NLGN1: variants seen among roughly 807,000 people sequenced by gnomAD.
NLGN1 encodes the protein neuroligin 1.
Under a neutral mutation model 65.5 loss-of-function variants are expected in NLGN1, and 12 were observed. The observed-to-expected ratio is 0.18, with a 90% CI of 0.12 to 0.30. NLGN1 has a LOEUF of 0.30. NLGN1 is among the 10% of genes least tolerant of loss of function. NLGN1 has a pLI of 1.00. For missense variants in NLGN1, 750 were observed against 1,007.1 expected, an observed-to-expected ratio of 0.74 and a Z score of 3.46; for synonymous variants, 350 against 359.5, an observed-to-expected ratio of 0.97 and a Z score of 0.30.
chr3:173,486,927 A>G (rs1269009652), intron 2 of NLGN1, among the ~76,000 whole-genome samples: 1 of 150,918 alleles, frequency 6.6e-6, no homozygotes, highest in Admixed American at 6.6e-5. Context: ...TTATTTTCTG[A>G]TATATGCATT....
intron 4 of NLGN1, among the ~76,000 whole-genome samples, chr3:173,832,108 C>T (rs1722704962): frequency 7.2e-6 from 1 of 138,920 alleles, no homozygotes; most frequent in African/African-American, 2.7e-5. Context: ...AGTTGCTCGC[C>T]TCCAAGCCCA....
intron 2 of NLGN1, among the ~76,000 whole-genome samples, chr3:173,443,395 A>T (rs910104714): frequency 6.7e-6 from 1 of 150,358 alleles, no homozygotes; most frequent in African/African-American, 2.4e-5. Context: ...TTAAATTATT[A>T]ATTTTTTGAA....
chr3:173,450,545 G>C (rs1437360897), intron 2 of NLGN1, among the ~76,000 whole-genome samples: 2 of 152,092 alleles, frequency 1.3e-5, no homozygotes, highest in African/African-American at 4.8e-5. Context: ...GTGTCTTGGA[G>C]TTGCTCTTCT....
intron 4 of NLGN1, among the ~76,000 whole-genome samples, chr3:174,070,607 G>A (rs1036769849): frequency 2.0e-5 from 3 of 152,098 alleles, no homozygotes; most frequent in African/African-American, 4.8e-5. Flanking sequence ...TGGGATTACA[G>A]GTGTGAGCCA....
At chr3:173,841,446 CAG>C (rs971859515) in intron 4 of NLGN1, among the ~76,000 whole-genome samples, 7 of 152,094 alleles carry the variant, frequency 4.6e-5, no homozygotes, top group Admixed American at 2.6e-4. Context: ...TAAGGGGGAA[CAG>C]AGGATGAATT....
intron 1 of NLGN1, among the ~76,000 whole-genome samples, chr3:173,428,074 T>A (rs559912588): frequency 6.6e-6 from 1 of 152,040 alleles, no homozygotes; most frequent in East Asian, 1.9e-4. Flanking sequence ...ACCTTCTTTG[T>A]CTCTTGATAG....
intron 4 of NLGN1, among the ~76,000 whole-genome samples, chr3:174,120,890 G>T (rs933599824): frequency 3.3e-5 from 5 of 152,116 alleles, no homozygotes; most frequent in African/African-American, 1.2e-4. Flanking sequence ...CACTGCTCAC[G>T]ACTCTACTGG....
intron 4 of NLGN1, among the ~76,000 whole-genome samples, chr3:174,160,511 G>T (rs561445507): frequency 6.9e-4 from 104 of 151,414 alleles, no homozygotes; most frequent in African/African-American, 2.4e-3. Context: ...CTTTCCACAA[G>T]AGCTTTTCTT....
intron 4 of NLGN1, among the ~76,000 whole-genome samples, chr3:174,086,183 A>ATGTGTG (rs140331992): frequency 9.0e-5 from 13 of 143,978 alleles, no homozygotes; most frequent in Middle Eastern, 3.6e-3. Flanking sequence ...AAGTATATAT[A>ATGTGTG]TGTGTGTGTG....
chr3:173,533,826 A>C (rs2149193332), intron 2 of NLGN1, among the ~76,000 whole-genome samples: 1 of 152,212 alleles, frequency 6.6e-6, no homozygotes, highest in East Asian at 1.9e-4. Flanking sequence ...TACTAAAAAC[A>C]CAAAAATTAA....
chr3:173,479,391 C>T (rs987260839), intron 2 of NLGN1, among the ~76,000 whole-genome samples: 2 of 152,152 alleles, frequency 1.3e-5, no homozygotes, highest in Non-Finnish European at 2.9e-5. Context: ...TGTGTTGACT[C>T]TCATAATTGG....
chr3:173,526,897 C>A (rs1219911388), intron 2 of NLGN1, among the ~76,000 whole-genome samples: 1 of 152,190 alleles, frequency 6.6e-6, no homozygotes, highest in Non-Finnish European at 1.5e-5. Context: ...ACTTCCACTT[C>A]CATCTATACT....
chr3:173,750,311 T>C (rs1776147510), intron 3 of NLGN1, among the ~76,000 whole-genome samples: 1 of 152,114 alleles, frequency 6.6e-6, no homozygotes, highest in Non-Finnish European at 1.5e-5. Context: ...TTTATTACCA[T>C]AGCAACACTT....
chr3:174,142,774 G>A (rs1722542704), intron 4 of NLGN1, among the ~76,000 whole-genome samples: 1 of 152,144 alleles, frequency 6.6e-6, no homozygotes, highest in African/African-American at 2.4e-5. Context: ...CTAAATTATT[G>A]GTACAAAGAC....
chr3:174,270,846 A>C (rs939794703), intron 4 of NLGN1, among the ~76,000 whole-genome samples: 1 of 151,836 alleles, frequency 6.6e-6, no homozygotes, highest in Non-Finnish European at 1.5e-5. Context: ...GAAGAATTCA[A>C]GGTTTTATTT....
intron 4 of NLGN1, among the ~76,000 whole-genome samples, chr3:174,264,673 C>T (rs369167860): frequency 0.15 from 22,317 of 146,014 alleles, 2,026 homozygotes; most frequent in East Asian, 0.46. Flanking sequence ...GAAGCCTTCT[C>T]CCCTCAGCTC....
intron 4 of NLGN1, among the ~76,000 whole-genome samples, chr3:174,258,740 G>A (rs1394917011): frequency 6.6e-6 from 1 of 152,030 alleles, no homozygotes; most frequent in Admixed American, 6.6e-5. Context: ...CTCAAAAAAT[G>A]TCAAAGTCAA....
intron 3 of NLGN1, among the ~76,000 whole-genome samples, chr3:173,762,999 CAG>C (rs1258743512): frequency 6.6e-6 from 1 of 151,252 alleles, no homozygotes; most frequent in East Asian, 1.9e-4. Flanking sequence ...CACACACACA[CAG>C]AATCTTTGAC....
intron 3 of NLGN1, among the ~76,000 whole-genome samples, chr3:173,780,067 A>G (rs1482261524): frequency 6.6e-6 from 1 of 152,282 alleles, no homozygotes; most frequent in Admixed American, 6.5e-5. Flanking sequence ...ATAAAAAGCT[A>G]TACATTTTCT....
Sources: allele counts gnomAD v4.1 joint callset (sites outside exome capture counted in the v4.1 genomes callset), GRCh38; gene constraint gnomAD v4.1.1; transcripts MANE v1.5; gene names NCBI Gene and HGNC (gene_info 2026-07-23, HGNC 2026-07-21).